The following TRMT2B variants were observed in gnomAD, a reference collection of about 807,000 sequenced individuals.
TRMT2B encodes tRNA methyltransferase 2B, also known as tRNA (uracil-5-)-methyltransferase homolog B.
A neutral mutation model predicts 39.7 loss-of-function variants in TRMT2B; 34 were observed. The ratio of observed to expected loss-of-function variants is 0.86; its 90% CI spans 0.65 to 1.14. The LOEUF (loss-of-function observed/expected upper bound fraction) is 1.14, where lower values mean the gene tolerates loss of function less well. Ranked by LOEUF, TRMT2B falls within the 50% of genes most tolerant of loss-of-function variation. TRMT2B has a pLI of 0.00. For missense variants in TRMT2B, 318 were observed against 377.2 expected (o/e 0.84, Z 1.30); for synonymous variants, 132 against 137.3 (o/e 0.96, Z 0.27).
At chrX:101,045,024 C>G (rs1400352248) in intron 2 of TRMT2B, among the ~76,000 whole-genome samples, 1 of 92,915 alleles carries the variant, frequency 1.1e-5, no homozygotes, top group African/African-American at 4.0e-5. Flanking sequence ...GAGCAAAACT[C>G]TGTCTCAAAA....
the TRMT2B span, among the ~76,000 whole-genome samples, chrX:100,974,500 G>A: frequency 3.6e-5 from 4 of 110,781 alleles, no homozygotes; most frequent in African/African-American, 9.9e-5. Flanking sequence ...GTCAGTAGGC[G>A]TGAGTTCAAA....
At chrX:100,989,699 G>C in the TRMT2B span, among the ~76,000 whole-genome samples, 1 of 112,095 alleles carries the variant, frequency 8.9e-6, no homozygotes, top group Admixed American at 9.5e-5. Context: ...CTTAAAGGCT[G>C]TAGTTACTGG....
intron 7 of TRMT2B, among the ~76,000 whole-genome samples, chrX:101,029,884 G>T (rs1372929686): frequency 9.0e-6 from 1 of 111,715 alleles, no homozygotes; most frequent in Non-Finnish European, 1.9e-5. Context: ...CACACCTAAA[G>T]GTGCAAAATA....
At chrX:100,973,535 AG>A in the TRMT2B span, 1 of 938,575 alleles carries the variant, frequency 1.1e-6, no homozygotes, top group East Asian at 3.4e-5. Flanking sequence ...TTATAGACAC[AG>A]TTGGATAGAA....
At position 101,028,968 on chromosome X, in the gene TRMT2B, G is replaced by C. The variant is rs977192241; in HGVS notation, c.610-5352C>G. 2.7e-5 allele frequency among the ~76,000 whole-genome samples: 3 copies of C among 111,763 alleles called. No homozygotes were observed. In the Admixed American group the frequency reaches 2.9e-4, roughly 11 times the overall value. On this transcript the variant is annotated intron_variant, in intron 7 of 13. Transcript: ENST00000372936. ...GTGTGTCCTGAGGCTTCCCAGGCAT[G>C]TGGAACTGTGAGTCAATTAAACCTC...
At chrX:100,989,482 C>T in the TRMT2B span, among the ~76,000 whole-genome samples, 4 of 109,440 alleles carry the variant, frequency 3.7e-5, no homozygotes, top group African/African-American at 1.3e-4. Flanking sequence ...TGGTGGCGGA[C>T]GCCTGTATTC....
intron 7 of TRMT2B, among the ~76,000 whole-genome samples, chrX:101,033,651 G>C (rs1256407839): frequency 9.9e-5 from 11 of 110,561 alleles, no homozygotes; most frequent in African/African-American, 3.6e-4. Context: ...ATGGAAAAAT[G>C]AGGTAATTAT....
the TRMT2B span, chrX:100,987,555 A>T: frequency 8.3e-7 from 1 of 1,207,919 alleles, no homozygotes; most frequent in Non-Finnish European, 1.1e-6. Flanking sequence ...CTCATCACAC[A>T]GGTACTGAGA....
chrX:101,038,366 C>T (rs2087977961), intron 4 of TRMT2B, among the ~76,000 whole-genome samples: 1 of 65,392 alleles, frequency 1.5e-5, no homozygotes, highest in Admixed American at 1.9e-4. Context: ...AGCGAAACTC[C>T]GTCTCAAAAA....
At chrX:101,040,306 A>G (rs2088149532) in intron 4 of TRMT2B, among the ~76,000 whole-genome samples, 1 of 109,798 alleles carries the variant, frequency 9.1e-6, no homozygotes, top group Non-Finnish European at 1.9e-5. Flanking sequence ...AAAAAAAAAA[A>G]AAAGAATTGC....
chrX:101,035,523 A>G, intron 7 of TRMT2B, 90 bp downstream of exon 7: 1 of 786,083 alleles, frequency 1.3e-6, no homozygotes, highest in South Asian at 2.1e-5. Flanking sequence ...CTAGCACTAG[A>G]ATTGGCTCTA....
chrX:100,975,143 G>A, the TRMT2B span, among the ~76,000 whole-genome samples: 1 of 111,753 alleles, frequency 8.9e-6, no homozygotes, highest in Non-Finnish European at 1.9e-5. Flanking sequence ...AAGTTTCTTA[G>A]CAGCACACAA....
intron 13 of TRMT2B, among the ~76,000 whole-genome samples, chrX:101,016,923 C>T (rs1318436779): frequency 2.7e-5 from 3 of 110,982 alleles, no homozygotes; most frequent in African/African-American, 6.5e-5. Flanking sequence ...GCCTATAATC[C>T]CAGCACTTTG....
At chrX:101,044,649 A>G (rs188065288) in intron 2 of TRMT2B, among the ~76,000 whole-genome samples, 1 of 110,683 alleles carries the variant, frequency 9.0e-6, no homozygotes, top group African/African-American at 3.3e-5. Context: ...CGAGGTCAGG[A>G]GTTCGAGACC....
intron 2 of TRMT2B, among the ~76,000 whole-genome samples, chrX:101,046,031 A>C (rs1309327530): frequency 1.9e-5 from 2 of 105,456 alleles, no homozygotes; most frequent in African/African-American, 6.9e-5. Context: ...CTGTAGTCCC[A>C]GCTACTCGGG....
chrX:101,013,485 C>T (rs1331946118), intron 13 of TRMT2B, among the ~76,000 whole-genome samples: 1 of 110,814 alleles, frequency 9.0e-6, no homozygotes, highest in Non-Finnish European at 1.9e-5. Context: ...GGTGCGGTGG[C>T]TCACACCTGT....
At chrX:100,974,210 G>A in the TRMT2B span, 2 of 1,157,170 alleles carry the variant, frequency 1.7e-6, no homozygotes, top group African/African-American at 1.8e-5. Context: ...AAGGAACTAA[G>A]AGCATTAGAT....
chrX:100,973,527 AT>A, the TRMT2B span: 8 of 955,720 alleles, frequency 8.4e-6, no homozygotes, highest in South Asian at 1.9e-4. Flanking sequence ...TATGACATTT[AT>A]AGACACAGTT....
rs372446719 is a variant in TRMT2B at position 101,036,935 on chromosome X, T to A, written c.538+39A>T. The A allele has an allele frequency of 6.6e-6, 7 of 1,052,891 alleles. No homozygotes were observed. In the South Asian group the frequency reaches 1.3e-4, roughly 20 times the overall value. 86.8% of individuals were successfully genotyped at this position (1,052,891 alleles called of 1,213,427 possible). Reference sequence around the variant, plus strand: ...ACTGACACTTCTCTGCACCCTTTCATTCCTCTTCAGTCTTTGGTTTATACA... The same window carrying A: ...ACTGACACTTCTCTGCACCCTTTCAATCCTCTTCAGTCTTTGGTTTATACA... On this transcript the variant is annotated intron_variant, in intron 6 of 13. Coordinates refer to ENST00000372936, the MANE Select transcript of TRMT2B (RefSeq NM_024917.6).
Sources: allele counts gnomAD v4.1 joint callset (sites outside exome capture counted in the v4.1 genomes callset), GRCh38; gene constraint gnomAD v4.1.1; transcripts MANE v1.5; gene names NCBI Gene and HGNC (gene_info 2026-07-23, HGNC 2026-07-21).